The following LRP5 variants were observed in gnomAD, a reference collection of about 807,000 sequenced individuals.
The protein encoded by LRP5 is low-density lipoprotein receptor-related protein 5.
A neutral mutation model predicts 154.1 loss-of-function variants in LRP5; 62 were observed. The ratio of observed to expected loss-of-function variants is 0.40; its 90% CI spans 0.33 to 0.50. LRP5 has a LOEUF of 0.50. Among genes scored for constraint, LRP5 ranks in the 20% least tolerant of loss-of-function variants. The pLI is 0.55. For synonymous variants in LRP5, 966 were observed against 1,011.5 expected, an observed-to-expected ratio of 0.96 and a Z score of 0.85; for missense variants, 1,915 against 2,336.7, an observed-to-expected ratio of 0.82 and a Z score of 3.72.
At chr11:68,389,596 T>G (rs2098645194) in intron 6 of LRP5, among the ~76,000 whole-genome samples, 3 of 151,724 alleles carry the variant, frequency 2.0e-5, no homozygotes, top group African/African-American at 7.3e-5. Flanking sequence ...ACACTGACAT[T>G]TACCGACACC....
At chr11:68,422,762 C>T (rs2098666538) in intron 13 of LRP5, among the ~76,000 whole-genome samples, 1 of 151,664 alleles carries the variant, frequency 6.6e-6, no homozygotes, top group South Asian at 2.1e-4. Flanking sequence ...CACCTGGCCC[C>T]CAGCCTCACC....
chr11:68,376,106 G>C (rs2098637180), intron 5 of LRP5, among the ~76,000 whole-genome samples: 1 of 151,732 alleles, frequency 6.6e-6, no homozygotes, highest in Non-Finnish European at 1.5e-5. Flanking sequence ...TCATGGTCCT[G>C]AGCCCTATAC....
upstream of LRP5, among the ~76,000 whole-genome samples, chr11:68,310,754 CA>C (rs756320384): frequency 0.027 from 1,741 of 63,968 alleles, 16 homozygotes; most frequent in African/African-American, 0.069. Flanking sequence ...GACCCTGTCT[CA>C]AAAAAAAAAA....
At chr11:68,370,890 C>G (rs1039215830) in intron 5 of LRP5, among the ~76,000 whole-genome samples, 1 of 152,136 alleles carries the variant, frequency 6.6e-6, no homozygotes, top group African/African-American at 2.4e-5. Flanking sequence ...GGTGTTCTGT[C>G]AAAGGGAGGA....
intron 18 of LRP5, among the ~76,000 whole-genome samples, chr11:68,435,050 T>C (rs2098674108): frequency 6.6e-6 from 1 of 152,232 alleles, no homozygotes; most frequent in South Asian, 2.1e-4. Flanking sequence ...GTTTTCTTGG[T>C]GCACAGCCAT....
upstream of LRP5, chr11:68,312,575 C>A: frequency 5.1e-6 from 1 of 197,022 alleles, no homozygotes; most frequent in South Asian, 1.6e-4. Flanking sequence ...CCCGCGCGCC[C>A]AGCTCCCTCC....
chr11:68,414,044 C>G (rs766775008), intron 12 of LRP5, 32 bp downstream of exon 12: 4 of 1,583,606 alleles, frequency 2.5e-6, no homozygotes, highest in Non-Finnish European at 1.7e-6. Flanking sequence ...GCACCTCACT[C>G]CCTCGTTAGA....
At chr11:68,354,964 C>T (rs903917578) in intron 2 of LRP5, among the ~76,000 whole-genome samples, 11 of 152,170 alleles carry the variant, frequency 7.2e-5, no homozygotes, top group Non-Finnish European at 1.3e-4. Flanking sequence ...AGCAGCTGGG[C>T]GCAGTCAGCC....
intron 1 of LRP5, among the ~76,000 whole-genome samples, chr11:68,333,846 C>A (rs2098604219): frequency 6.6e-6 from 1 of 152,152 alleles, no homozygotes; most frequent in African/African-American, 2.4e-5. Flanking sequence ...ATGGCAGTTG[C>A]CCCCAGATTG....
chr11:68,309,400 T>C (rs888935789), upstream of LRP5, among the ~76,000 whole-genome samples: 2 of 151,148 alleles, frequency 1.3e-5, no homozygotes, highest in African/African-American at 4.9e-5. Context: ...GCCCAGCTAA[T>C]TTTTTGTATT....
At chr11:68,375,451 G>A (rs754815726) in intron 5 of LRP5, among the ~76,000 whole-genome samples, 73 of 152,252 alleles carry the variant, frequency 4.8e-4, no homozygotes, top group Non-Finnish European at 9.1e-4. Flanking sequence ...CCCTGCCCCT[G>A]CTCGTGCTGT....
At chr11:68,415,156 C>T (rs374312396) in intron 12 of LRP5, among the ~76,000 whole-genome samples, 3 of 152,158 alleles carry the variant, frequency 2.0e-5, no homozygotes, top group African/African-American at 7.2e-5. Flanking sequence ...GAGAGGCCAA[C>T]GGATGTTCTG....
At chr11:68,349,016 T>C (rs542519376) in intron 2 of LRP5, among the ~76,000 whole-genome samples, 5 of 148,896 alleles carry the variant, frequency 3.4e-5, no homozygotes, top group African/African-American at 7.3e-5. Context: ...TGAGATTCCA[T>C]AGTTATGTTC....
chr11:68,394,163 G>A (rs1477041086), intron 7 of LRP5, among the ~76,000 whole-genome samples: 2 of 152,120 alleles, frequency 1.3e-5, no homozygotes, highest in Non-Finnish European at 2.9e-5. Flanking sequence ...TTGGATACAC[G>A]ATGTCTGTGG....
upstream of LRP5, among the ~76,000 whole-genome samples, chr11:68,310,519 C>G (rs1479408387): frequency 6.6e-6 from 1 of 152,142 alleles, no homozygotes; most frequent in Non-Finnish European, 1.5e-5. Context: ...ACTTGGGAGG[C>G]TGAGGCAGGA....
chr11:68,412,906 C>G (rs2098660427), intron 11 of LRP5: 1 of 169,938 alleles, frequency 5.9e-6, no homozygotes, highest in Non-Finnish European at 1.3e-5. Context: ...TGGTTGTGCC[C>G]ATTTTACAGA....
At chr11:68,327,245 C>T (rs2098600238) in intron 1 of LRP5, among the ~76,000 whole-genome samples, 1 of 152,174 alleles carries the variant, frequency 6.6e-6, no homozygotes, top group Non-Finnish European at 1.5e-5. Flanking sequence ...TGCAGCGAGC[C>T]CCTCTTCGTT....
intron 21 of LRP5, among the ~76,000 whole-genome samples, chr11:68,444,673 A>G (rs767486860): frequency 1.5e-4 from 22 of 149,920 alleles, no homozygotes; most frequent in Non-Finnish European, 3.2e-4. Flanking sequence ...GCACTGGTGG[A>G]TCTTGCCAGA....
intron 22 of LRP5, among the ~76,000 whole-genome samples, chr11:68,448,218 C>T (rs1262540192): frequency 6.6e-6 from 1 of 152,160 alleles, no homozygotes; most frequent in Non-Finnish European, 1.5e-5. Context: ...GGGGGAACCA[C>T]CCCCATGATT....
Sources: gnomAD v4.1 joint callset for allele counts (sites outside exome capture counted in the v4.1 genomes callset) on GRCh38, gnomAD v4.1.1 for gene constraint, MANE v1.5 for transcripts, NCBI Gene and HGNC (gene_info 2026-07-23, HGNC 2026-07-21) for gene names.